The following COCH variants were observed in gnomAD, a reference collection of about 807,000 sequenced individuals.
COCH encodes cochlin.
A neutral mutation model predicts 54.8 loss-of-function variants in COCH; 40 were observed. That is an observed-to-expected ratio of 0.73 (90% CI 0.57 to 0.95). The LOEUF is 0.95. COCH is among the 40% of genes least tolerant of loss of function. The pLI is 0.00. For missense variants in COCH, 605 were observed against 675.0 expected (o/e 0.90, Z 1.15); for synonymous variants, 256 against 237.9 (o/e 1.08, Z -0.70).
At chr14:30,891,547 A>G (rs1436381583), downstream of COCH, among the ~76,000 whole-genome samples, 1 of 152,240 alleles carries the variant, frequency 6.6e-6, no homozygotes, top group East Asian at 1.9e-4. Context: ...CTCCCCTTTT[A>G]TAAAATGCTT....
chr14:30,884,639 G>C lies in COCH; in HGVS notation c.716G>C (p.Gly239Ala), dbSNP rs1217792358. The change falls in exon 9 of 12, where the codon GGG (glycine) becomes GCG (alanine). Residue 239 changes from glycine to alanine, a missense_variant. Transcript: ENST00000396618. ...LFAIKEVGFR[G>A]GNSNTGKALK... ...GCCATAAAGGAAGTAGGTTTCAGAG[G>C]GGGTAATTCCAATACAGGTAAGTAG... 16 of 1,611,718 alleles carry C rather than the reference G, an allele frequency of 9.9e-6. No individual in the cohort carries two copies. The highest frequency in any genetic ancestry group is 3.3e-5 in the Admixed American group (2 of 60,008).
intron 8 of COCH, among the ~76,000 whole-genome samples, chr14:30,883,835 C>CA (rs1322336832): frequency 6.6e-6 from 1 of 152,128 alleles, no homozygotes; most frequent in Non-Finnish European, 1.5e-5. Context: ...AAAACTCTTA[C>CA]AATACACATA....
downstream of COCH, among the ~76,000 whole-genome samples, chr14:30,893,515 A>AT (rs985857600): frequency 2.6e-5 from 4 of 152,134 alleles, no homozygotes; most frequent in African/African-American, 9.7e-5. Flanking sequence ...TCCTTGCTGA[A>AT]TTTTTTTGTG....
At chr14:30,885,721 T>C in intron 10 of COCH, 75 bp from the exon 11 acceptor site, 2 of 1,565,048 alleles carry the variant, frequency 1.3e-6, no homozygotes, top group Non-Finnish European at 1.8e-6. Flanking sequence ...ACTTGAAACA[T>C]TCAGGATTTT....
At position 30,877,273 on chromosome 14, in the gene COCH, C is replaced by G; in HGVS notation, c.83-299C>G. On this transcript the variant is annotated intron_variant, in intron 3 of 11. Transcript: ENST00000396618. The surrounding 1 kb of genome is among the most constrained non-coding windows in gnomAD (Gnocchi z 8.6). ...GAGTTGGAGGTGGATCACTTGAGCT[C>G]GGGAATTTGAGCCTAGCTTGGGCAA... The G allele has an allele frequency of 2.7e-6, 1 of 375,720 alleles. No individual in the cohort carries two copies. The allele number at this position is 375,720 out of a possible 1,614,324, so 23.3% of individuals were successfully genotyped here. A position where few individuals can be genotyped will look rare whatever the true frequency, so the allele number is the denominator to read the frequency against.
Position 30,889,620 on chromosome 14 carries a change from C to A in COCH, c.1482C>A (p.Ile494=). Residue 494 remains isoleucine, a synonymous_variant, in exon 12 of 12, where the codon ATC becomes ATA. Coordinates refer to ENST00000396618, the MANE Select transcript of COCH (RefSeq NM_004086.3). The part of the protein sequence containing the change: ...GPAAAAHDAG[I]TIFSVGVAWA... ...TTTAAAATGTTTTCATTGTAGGAAT[C>A]ACTATCTTCTCTGTTGGTGTGGCTT... 6.2e-7 allele frequency: 1 copy of A among 1,613,626 alleles called. No homozygotes were observed. Among genetic ancestry groups the A allele is most frequent in the South Asian group, 1.1e-5 (1 of 91,066 alleles).
chr14:30,891,123 C>G (rs1895971091), downstream of COCH, among the ~76,000 whole-genome samples: 1 of 152,114 alleles, frequency 6.6e-6, no homozygotes, highest in Non-Finnish European at 1.5e-5. Flanking sequence ...CCTGATTAAA[C>G]AGTATAAGAT....
downstream of COCH, chr14:30,895,124 C>A: frequency 1.4e-5 from 3 of 218,558 alleles, no homozygotes; most frequent in East Asian, 1.1e-4. Context: ...AAAGATCAGA[C>A]TCCACATTGG....
chr14:30,881,617 G>C (rs1223398464), intron 8 of COCH, among the ~76,000 whole-genome samples: 1 of 152,006 alleles, frequency 6.6e-6, no homozygotes, highest in Non-Finnish European at 1.5e-5. Context: ...TATTCTCTTG[G>C]TTGGTGATCT....
chr14:30,885,345 G>A (rs1004524654), intron 9 of COCH, 49 bp from the exon 10 acceptor site: 1 of 1,423,208 alleles, frequency 7.0e-7, no homozygotes, highest in East Asian at 2.3e-5. Context: ...ACAGAAATGT[G>A]GTTTGAGCAG....
Position 30,889,999 on chromosome 14 carries a change from G to C in COCH, c.*208G>C. On this transcript the variant is annotated 3_prime_UTR_variant, in exon 12 of 12. Coordinates refer to ENST00000396618, the MANE Select transcript of COCH (RefSeq NM_004086.3). ...GTACTTTGTTAAAAACACTGCTGAG[G>C]CTTCATAATCATGGCTCTTAGAAAC... 1 of 1,282,354 alleles carries C rather than the reference G, an allele frequency of 7.8e-7. No homozygotes were observed. The highest frequency in any genetic ancestry group is 9.9e-7 in the Non-Finnish European group (1 of 1,011,996). 79.4% of individuals were successfully genotyped at this position (1,282,354 alleles called of 1,614,324 possible).
intron 8 of COCH, among the ~76,000 whole-genome samples, chr14:30,882,354 T>C (rs1382119670): frequency 6.6e-6 from 1 of 151,854 alleles, no homozygotes; most frequent in Non-Finnish European, 1.5e-5. Context: ...GGTCTCGAGC[T>C]CCTGACCTCA....
At chr14:30,891,812 C>G (rs1895988703), downstream of COCH, among the ~76,000 whole-genome samples, 1 of 152,120 alleles carries the variant, frequency 6.6e-6, no homozygotes, top group African/African-American at 2.4e-5. Flanking sequence ...AGCAAGACAG[C>G]AGAAATCAGA....
At position 30,889,836 on chromosome 14, in the gene COCH, G is replaced by A; in HGVS notation, c.*45G>A. 1.9e-6 allele frequency: 3 copies of A among 1,591,194 alleles called. No individual in the cohort carries two copies. The highest frequency in any genetic ancestry group is 2.6e-6 in the Non-Finnish European group (3 of 1,166,000). ...GAAAGAAAAAGTACAAGGGGATCCA[G>A]TGTGTAAATTGTATTCTCATAATAC... is the stretch of plus-strand genomic sequence containing the variant. On this transcript the variant is annotated 3_prime_UTR_variant, in exon 12 of 12. Coordinates refer to ENST00000396618, the MANE Select transcript of COCH (RefSeq NM_004086.3).
intron 11 of COCH, 140 bp downstream of exon 11, chr14:30,886,452 C>T: frequency 1.1e-6 from 1 of 887,614 alleles, no homozygotes; most frequent in Non-Finnish European, 1.7e-6. Context: ...AGCAGCCCTA[C>T]TCATCTCATT....
chr14:30,874,632 C>G (rs540991911), intron 1 of COCH, 41 bp downstream of exon 1: 1 of 540,250 alleles, frequency 1.9e-6, no homozygotes, highest in Non-Finnish European at 3.3e-6. Flanking sequence ...CGAGGGATCC[C>G]TGACGCCTCT....
rs1895887112 is a variant in COCH, at chr14:30,888,940, G to T, written c.1478-676G>T. ...GAAATAGAATACCTCAATGAAACTGGAAGAAATTACTCCAGTTTCATAAGA... is the reference window on the plus strand; with the variant it reads ...GAAATAGAATACCTCAATGAAACTGTAAGAAATTACTCCAGTTTCATAAGA... On this transcript the variant is annotated intron_variant, in intron 11 of 11. Transcript: ENST00000396618. Among the ~76,000 whole-genome samples the T allele has an allele frequency of 3.9e-5, 6 of 152,208 alleles. No individual in the cohort carries two copies. In the South Asian group the frequency reaches 1.2e-3, roughly 32 times the overall value.
downstream of COCH, among the ~76,000 whole-genome samples, chr14:30,893,313 A>G (rs142880488): frequency 0.019 from 2,953 of 151,946 alleles, 52 homozygotes; most frequent in Non-Finnish European, 0.027. Context: ...CGCCCGGCTA[A>G]TTTTGTGTGT....
downstream of COCH, chr14:30,894,076 GT>G (rs1896063935): frequency 6.6e-6 from 1 of 152,454 alleles, no homozygotes; most frequent in Admixed American, 6.6e-5. Context: ...ATACTTTATT[GT>G]CTTAATCATG....
Sources: allele counts gnomAD v4.1 joint callset (sites outside exome capture counted in the v4.1 genomes callset), GRCh38; gene constraint gnomAD v4.1.1; non-coding constraint Gnocchi (gnomAD v3.1); transcripts MANE v1.5; gene names NCBI Gene and HGNC (gene_info 2026-07-23, HGNC 2026-07-21).